The following EPB41L5 variants were observed in gnomAD, a reference collection of about 807,000 sequenced individuals.
The protein encoded by EPB41L5 is band 4.1-like protein 5.
A neutral mutation model predicts 106.6 loss-of-function variants in EPB41L5; 55 were observed. The observed-to-expected ratio is 0.52, with a 90% CI of 0.42 to 0.65. The LOEUF (loss-of-function observed/expected upper bound fraction) is 0.65. EPB41L5 is among the 30% of genes least tolerant of loss of function. The pLI is 0.00. For missense variants in EPB41L5, 871 were observed against 882.1 expected (o/e 0.99, Z 0.16); for synonymous variants, 297 against 306.7 (o/e 0.97, Z 0.33).
At chr2:120,159,112 A>C (rs1216451045) in intron 20 of EPB41L5, among the ~76,000 whole-genome samples, 2 of 152,086 alleles carry the variant, frequency 1.3e-5, no homozygotes, top group Non-Finnish European at 2.9e-5. Flanking sequence ...TAATGGAAAA[A>C]CATTCCATGC....
chr2:120,163,634 A>G (rs2105545117), intron 21 of EPB41L5, among the ~76,000 whole-genome samples: 1 of 148,736 alleles, frequency 6.7e-6, no homozygotes, highest in Non-Finnish European at 1.5e-5. Flanking sequence ...ATATTACCAT[A>G]CAGAGTAGTA....
intron 3 of EPB41L5, among the ~76,000 whole-genome samples, chr2:120,055,759 A>C (rs766943619): frequency 1.3e-5 from 2 of 152,082 alleles, no homozygotes; most frequent in Non-Finnish European, 2.9e-5. Context: ...TGGATTGTTC[A>C]TTGTTAGCAT....
intron 19 of EPB41L5, among the ~76,000 whole-genome samples, chr2:120,144,224 G>T (rs1430209038): frequency 6.6e-6 from 1 of 152,148 alleles, no homozygotes; most frequent in Admixed American, 6.5e-5. Context: ...TCTTATAAAA[G>T]AGCCTGGAGG....
At chr2:120,033,597 C>T (rs1678855306) in intron 2 of EPB41L5, among the ~76,000 whole-genome samples, 1 of 150,498 alleles carries the variant, frequency 6.6e-6, no homozygotes, top group African/African-American at 2.4e-5. Flanking sequence ...ATCCCAGCTA[C>T]TTGGGAGGCT....
chr2:120,141,050 C>T (rs1443737981), intron 18 of EPB41L5, among the ~76,000 whole-genome samples: 1 of 152,076 alleles, frequency 6.6e-6, no homozygotes, highest in Non-Finnish European at 1.5e-5. Context: ...CTACTGACAG[C>T]AGAGTTGACA....
chr2:120,173,603 T>C (rs1687786461), intron 24 of EPB41L5, among the ~76,000 whole-genome samples: 1 of 152,260 alleles, frequency 6.6e-6, no homozygotes, highest in Non-Finnish European at 1.5e-5. Flanking sequence ...CAGGTGACTC[T>C]GTTTCATTTA....
chr2:120,067,510 A>T (rs529537949), intron 3 of EPB41L5, among the ~76,000 whole-genome samples: 1 of 152,348 alleles, frequency 6.6e-6, no homozygotes, highest in East Asian at 1.9e-4. Context: ...TGGTGGCATA[A>T]AGGAATTAAT....
intron 3 of EPB41L5, 130 bp downstream of exon 3, chr2:120,042,240 TC>T (rs965510843): frequency 2.4e-4 from 130 of 537,448 alleles, no homozygotes; most frequent in Non-Finnish European, 3.7e-4. Context: ...CACCGCTCCC[TC>T]CCCCCACCTC....
In EPB41L5 at chr2:120,175,910, G is replaced by A. The variant is rs1183012473; in HGVS notation, c.*1003G>A. 1.3e-5 allele frequency: 2 copies of A among 152,106 alleles called. No homozygotes were observed. The highest frequency in any genetic ancestry group is 2.9e-5 in the Non-Finnish European group (2 of 68,030). The allele number at this position is 152,106 out of a possible 1,614,324, so 9.4% of individuals were successfully genotyped here. A position where few individuals can be genotyped will look rare whatever the true frequency, so the allele number is the denominator to read the frequency against. ...TACACCAAGACCAAAATAGGCAATA[G>A]GAACAGGGGTGAAGGGATGTTGTTT... On this transcript the variant is annotated 3_prime_UTR_variant, in exon 25 of 25. Coordinates refer to ENST00000263713, the MANE Select transcript of EPB41L5 (RefSeq NM_020909.4).
At chr2:120,077,401 G>C in intron 9 of EPB41L5, 85 bp downstream of exon 9, 92 of 1,128,648 alleles carry the variant, frequency 8.2e-5, no homozygotes, top group Middle Eastern at 2.0e-4. Flanking sequence ...ATGAGGGAGG[G>C]CATGGAGTTT....
intron 3 of EPB41L5, among the ~76,000 whole-genome samples, chr2:120,057,454 C>T (rs537154917): frequency 3.3e-5 from 5 of 152,264 alleles, no homozygotes; most frequent in African/African-American, 4.8e-5. Flanking sequence ...ATACACATAA[C>T]GTTTTGTCTG....
intron 17 of EPB41L5, 47 bp from the exon 18 acceptor site, chr2:120,131,571 A>T: frequency 7.2e-7 from 1 of 1,379,534 alleles, no homozygotes; most frequent in Non-Finnish European, 1.0e-6. Flanking sequence ...GCTAGCTGTG[A>T]CAGCCTGGCA....
chr2:120,095,523 A>G (rs1683691270), intron 14 of EPB41L5, among the ~76,000 whole-genome samples: 2 of 149,442 alleles, frequency 1.3e-5, no homozygotes, highest in African/African-American at 4.9e-5. Flanking sequence ...AGACTACATA[A>G]TCTCACTTGA....
chr2:120,051,646 G>A (rs1253496710), intron 3 of EPB41L5, among the ~76,000 whole-genome samples: 1 of 152,200 alleles, frequency 6.6e-6, no homozygotes, highest in East Asian at 1.9e-4. Flanking sequence ...GCGCTTCCCG[G>A]GTGAGGCGAT....
Position 120,031,058 on chromosome 2 carries a change from A to G in EPB41L5, c.181-10948A>G, listed in dbSNP as rs578138071. Among the ~76,000 whole-genome samples the G allele has an allele frequency of 5.3e-5, 8 of 151,680 alleles. No homozygotes were observed. The South Asian group carries it at 1.5e-3, about 28-fold the overall frequency. On this transcript the variant is annotated intron_variant, in intron 2 of 24. Transcript: ENST00000263713. Reference sequence around the variant, plus strand: ...CACCCAGCTAATTTTTAGTAGAGACAGGGTTTCACTATGTTGGTCAGGCTG... The same window carrying G: ...CACCCAGCTAATTTTTAGTAGAGACGGGGTTTCACTATGTTGGTCAGGCTG...
chr2:120,124,371 T>C (rs1685364586), intron 16 of EPB41L5, among the ~76,000 whole-genome samples: 1 of 152,188 alleles, frequency 6.6e-6, no homozygotes, highest in Non-Finnish European at 1.5e-5. Flanking sequence ...CTCTCAACTT[T>C]TTATTTTGGA....
chr2:120,117,000 TGA>T (rs1380505815), intron 16 of EPB41L5, among the ~76,000 whole-genome samples: 1 of 152,236 alleles, frequency 6.6e-6, no homozygotes, highest in African/African-American at 2.4e-5. Context: ...ATGTTACCCT[TGA>T]AAATATTTTT....
chr2:120,082,775 A>G (rs777703138), intron 10 of EPB41L5, among the ~76,000 whole-genome samples: 1 of 152,086 alleles, frequency 6.6e-6, no homozygotes, highest in Non-Finnish European at 1.5e-5. Flanking sequence ...TATTGCCTCA[A>G]TTTTAGAGCC....
intron 1 of EPB41L5, among the ~76,000 whole-genome samples, chr2:120,016,023 C>A (rs1677499034): frequency 6.6e-6 from 1 of 151,886 alleles, no homozygotes. Context: ...TTTCTTAAAT[C>A]AGTTATGCTC....
Sources: gnomAD v4.1 joint callset for allele counts (sites outside exome capture counted in the v4.1 genomes callset) on GRCh38, gnomAD v4.1.1 for gene constraint, MANE v1.5 for transcripts, NCBI Gene and HGNC (gene_info 2026-07-23, HGNC 2026-07-21) for gene names.